CNTNAP5: variants seen among roughly 807,000 people sequenced by gnomAD.
CNTNAP5 encodes contactin-associated protein-like 5.
A neutral mutation model predicts 150.2 loss-of-function variants in CNTNAP5; 72 were observed. That is an observed-to-expected ratio of 0.48 (90% CI 0.40 to 0.58). CNTNAP5 has a LOEUF of 0.58. Among genes scored for constraint, CNTNAP5 ranks in the 20% least tolerant of loss-of-function variants. The pLI is 0.00. For synonymous variants in CNTNAP5, 672 were observed against 619.8 expected (o/e 1.08, Z -1.25); for missense variants, 1,636 against 1,626.2 (o/e 1.01, Z -0.10).
At chr2:124,733,152 A>T (rs1680308503) in intron 13 of CNTNAP5, among the ~76,000 whole-genome samples, 1 of 152,176 alleles carries the variant, frequency 6.6e-6, no homozygotes, top group Non-Finnish European at 1.5e-5. Flanking sequence ...TTCTAAACAC[A>T]CACACACACA....
chr2:124,783,680 G>A (rs188944295), intron 17 of CNTNAP5, among the ~76,000 whole-genome samples: 2 of 152,228 alleles, frequency 1.3e-5, no homozygotes, highest in East Asian at 3.9e-4. Context: ...TTGGCATTTG[G>A]TTTGAGGTGT....
At chr2:124,483,227 C>T (rs1693799316) in intron 7 of CNTNAP5, among the ~76,000 whole-genome samples, 1 of 152,142 alleles carries the variant, frequency 6.6e-6, no homozygotes, top group Admixed American at 6.5e-5. Context: ...TCCTGGAGCC[C>T]CCAGGCTATG....
At chr2:124,041,228 G>C (rs925484405) in intron 1 of CNTNAP5, among the ~76,000 whole-genome samples, 1 of 152,182 alleles carries the variant, frequency 6.6e-6, no homozygotes, top group Non-Finnish European at 1.5e-5. Flanking sequence ...TTAGAGTAAA[G>C]ATTTCTATGT....
At chr2:124,243,407 C>T (rs1405035620) in intron 3 of CNTNAP5, among the ~76,000 whole-genome samples, 1 of 152,066 alleles carries the variant, frequency 6.6e-6, no homozygotes, top group Non-Finnish European at 1.5e-5. Context: ...TTTATATACT[C>T]ATTGTTATTT....
chr2:124,198,013 A>G (rs1425834364), intron 1 of CNTNAP5, among the ~76,000 whole-genome samples: 1 of 151,682 alleles, frequency 6.6e-6, no homozygotes, highest in Non-Finnish European at 1.5e-5. Flanking sequence ...AATAATAATA[A>G]TAAAACAATA....
chr2:124,311,347 G>GGTTT (rs1688825407), intron 3 of CNTNAP5, among the ~76,000 whole-genome samples: 1 of 152,104 alleles, frequency 6.6e-6, no homozygotes, highest in South Asian at 2.1e-4. Flanking sequence ...TTTCTAGCTT[G>GGTTT]CAGACGGCCG....
intron 3 of CNTNAP5, among the ~76,000 whole-genome samples, chr2:124,303,758 C>A (rs145218408): frequency 0.017 from 2,532 of 152,250 alleles, 56 homozygotes; most frequent in African/African-American, 0.046. Flanking sequence ...ACAGACTGGG[C>A]ACCATGGCTC....
intron 13 of CNTNAP5, among the ~76,000 whole-genome samples, chr2:124,736,238 GAAACA>G (rs929657584): frequency 2.6e-5 from 4 of 151,940 alleles, no homozygotes; most frequent in South Asian, 2.1e-4. Context: ...TAAACAAAAG[GAAACA>G]AAACAAAACA....
intron 1 of CNTNAP5, among the ~76,000 whole-genome samples, chr2:124,067,666 A>G (rs1682195152): frequency 1.3e-5 from 2 of 152,200 alleles, no homozygotes; most frequent in African/African-American, 4.8e-5. Flanking sequence ...ATTTTCTGCC[A>G]ATAAGTAAGA....
At chr2:124,219,518 C>G (rs1686247696) in intron 1 of CNTNAP5, among the ~76,000 whole-genome samples, 1 of 152,008 alleles carries the variant, frequency 6.6e-6, no homozygotes, top group African/African-American at 2.4e-5. Context: ...ATGGTTATAT[C>G]TACACATCTG....
At chr2:124,742,674 A>G (rs1298439596) in intron 13 of CNTNAP5, among the ~76,000 whole-genome samples, 1 of 151,850 alleles carries the variant, frequency 6.6e-6, no homozygotes, top group Non-Finnish European at 1.5e-5. Context: ...ATGTAATTTG[A>G]GTTTTCCCAT....
intron 12 of CNTNAP5, among the ~76,000 whole-genome samples, chr2:124,627,105 C>T (rs986233622): frequency 7.9e-5 from 12 of 152,248 alleles, no homozygotes; most frequent in Admixed American, 1.3e-4. Flanking sequence ...CCAGCATCTG[C>T]GGGGAGGGGA....
chr2:124,750,315 C>G (rs555747802), intron 14 of CNTNAP5, among the ~76,000 whole-genome samples: 1 of 152,270 alleles, frequency 6.6e-6, no homozygotes, highest in South Asian at 2.1e-4. Flanking sequence ...CATAGCAGCA[C>G]GTTGACCATC....
intron 12 of CNTNAP5, among the ~76,000 whole-genome samples, chr2:124,626,760 G>A (rs184223666): frequency 6.6e-6 from 1 of 152,240 alleles, no homozygotes; most frequent in East Asian, 1.9e-4. Flanking sequence ...AAGCAATCTC[G>A]CTCAGCAGGT....
At chr2:124,488,459 A>G (rs1558924075) in intron 7 of CNTNAP5, among the ~76,000 whole-genome samples, 1 of 152,218 alleles carries the variant, frequency 6.6e-6, no homozygotes. Context: ...ATGTGATAGA[A>G]TCTGCTTTCC....
intron 3 of CNTNAP5, among the ~76,000 whole-genome samples, chr2:124,346,616 T>A (rs1388695161): frequency 1.3e-5 from 2 of 152,100 alleles, no homozygotes; most frequent in Non-Finnish European, 2.9e-5. Flanking sequence ...ACCTGCTTGC[T>A]CTCCTAATTA....
intron 4 of CNTNAP5, among the ~76,000 whole-genome samples, chr2:124,430,155 G>A (rs1307412180): frequency 6.6e-6 from 1 of 152,084 alleles, no homozygotes. Context: ...AAAAGGGCCA[G>A]GTGGGAACCG....
At chr2:124,829,954 A>G (rs1682679078) in intron 19 of CNTNAP5, among the ~76,000 whole-genome samples, 1 of 151,612 alleles carries the variant, frequency 6.6e-6, no homozygotes, top group South Asian at 2.1e-4. Flanking sequence ...ACTCACATTA[A>G]TAACATTTAT....
rs2104650899 is a variant in CNTNAP5, at chr2:124,162,460, C to T, written c.83-59245C>T. Among the ~76,000 whole-genome samples the T allele has an allele frequency of 2.0e-5, 3 of 152,234 alleles. No homozygotes were observed. The South Asian group carries it at 6.2e-4, about 32-fold the overall frequency. On this transcript the variant is annotated intron_variant, in intron 1 of 23. Transcript: ENST00000682447. ...AAGGTGGCAGAGCTGGACTTTACAC[C>T]CACACAAAGTCCAATGTAGCTGGCT...
Sources: gnomAD v4.1 joint callset for allele counts (sites outside exome capture counted in the v4.1 genomes callset) on GRCh38, gnomAD v4.1.1 for gene constraint, MANE v1.5 for transcripts, NCBI Gene and HGNC (gene_info 2026-07-23, HGNC 2026-07-21) for gene names.